STAMBP: variants seen among roughly 807,000 people sequenced by gnomAD.
STAMBP encodes the protein STAM-binding protein.
A neutral mutation model predicts 50.7 loss-of-function variants in STAMBP; 31 were observed. The ratio of observed to expected loss-of-function variants is 0.61; its 90% CI spans 0.46 to 0.83. The LOEUF (loss-of-function observed/expected upper bound fraction) is 0.83. Among genes scored for constraint, STAMBP ranks in the 40% least tolerant of loss-of-function variants. STAMBP has a pLI of 0.00. For missense variants in STAMBP, 472 were observed against 518.9 expected, an observed-to-expected ratio of 0.91 and a Z score of 0.88; for synonymous variants, 211 against 192.4, an observed-to-expected ratio of 1.10 and a Z score of -0.80.
At chr2:73,831,129 A>G (rs1673867169) in intron 2 of STAMBP, 70 bp downstream of exon 2, 1 of 1,263,316 alleles carries the variant, frequency 7.9e-7, no homozygotes, top group Non-Finnish European at 1.2e-6. Flanking sequence ...CAGAATTGCT[A>G]AAACCACAGA....
intron 2 of STAMBP, among the ~76,000 whole-genome samples, chr2:73,840,314 T>TTTG (rs1675217885): frequency 6.9e-5 from 4 of 58,234 alleles, no homozygotes; most frequent in Admixed American, 1.9e-4. Context: ...TAGGGGTTTG[T>TTTG]TTTTTTTTTT....
intron 2 of STAMBP, among the ~76,000 whole-genome samples, chr2:73,840,052 TC>T (rs1472840786): frequency 2.0e-5 from 3 of 152,150 alleles, no homozygotes; most frequent in Non-Finnish European, 4.4e-5. Flanking sequence ...TCCCTTTCTA[TC>T]CCCCTTCCCT....
Position 73,863,977 on chromosome 2 carries a change from C to A in STAMBP, c.*1718C>A, listed in dbSNP as rs955953343. 2.0e-5 allele frequency: 3 copies of A among 152,196 alleles called. No homozygotes were observed. The highest frequency in any genetic ancestry group is 2.0e-4 in the Admixed American group (3 of 15,280). 9.4% of individuals were successfully genotyped at this position (152,196 alleles called of 1,614,324 possible). On this transcript the variant is annotated 3_prime_UTR_variant, in exon 10 of 10. Coordinates refer to ENST00000394070, the MANE Select transcript of STAMBP (RefSeq NM_213622.4). ...GCAATAGCTTCCCATTGCTGAAAAT[C>A]TAAATTTAGCTTTTAGTCAGAACTT...
intron 9 of STAMBP, among the ~76,000 whole-genome samples, chr2:73,861,757 A>G (rs1304801542): frequency 6.7e-6 from 1 of 148,696 alleles, no homozygotes; most frequent in Non-Finnish European, 1.5e-5. Flanking sequence ...TTGATCTCCT[A>G]ACCTCATGAT....
chr2:73,834,210 A>T (rs534783515), intron 2 of STAMBP, among the ~76,000 whole-genome samples: 22 of 7,876 alleles, frequency 2.8e-3, no homozygotes, highest in South Asian at 5.4e-3. Flanking sequence ...ATCATGTCTT[A>T]AAAAAAAAAA....
At chr2:73,867,189 T>C (rs905221652), downstream of STAMBP, 4 of 152,236 alleles carry the variant, frequency 2.6e-5, no homozygotes, top group Admixed American at 1.3e-4. Flanking sequence ...GGCTTTGCTT[T>C]TTTGGGAGAA....
intron 2 of STAMBP, among the ~76,000 whole-genome samples, chr2:73,840,319 T>TG (rs1028706956): frequency 2.6e-5 from 4 of 151,728 alleles, no homozygotes; most frequent in Non-Finnish European, 5.9e-5. Context: ...GTTTGTTTTT[T>TG]TTTTTTTTTT....
chr2:73,837,614 A>G (rs1014290216), intron 2 of STAMBP, among the ~76,000 whole-genome samples: 1 of 138,010 alleles, frequency 7.2e-6, no homozygotes, highest in African/African-American at 2.9e-5. Flanking sequence ...AAAAAAAAAG[A>G]ACACATTAAT....
intron 2 of STAMBP, 170 bp from the exon 3 acceptor site, chr2:73,844,643 G>C (rs1352352374): frequency 8.3e-6 from 4 of 483,008 alleles, no homozygotes; most frequent in Non-Finnish European, 1.5e-5. Context: ...GCTCTTTAGG[G>C]GGATAGAGAT....
Position 73,862,315 on chromosome 2 carries a change from C to A in STAMBP, c.*56C>A. 1 of 1,491,266 alleles carries A rather than the reference C, an allele frequency of 6.7e-7. No homozygotes were observed. Among genetic ancestry groups the A allele is most frequent in the South Asian group, 1.3e-5 (1 of 76,850 alleles). 92.4% of individuals were successfully genotyped at this position (1,491,266 alleles called of 1,614,324 possible). ...CAAAACCATATCAGTGTACTGTAGCCCCTTAATTTAAGCTTTCTAGAAAGC... is the reference window on the plus strand; with the variant it reads ...CAAAACCATATCAGTGTACTGTAGCACCTTAATTTAAGCTTTCTAGAAAGC... On this transcript the variant is annotated 3_prime_UTR_variant, in exon 10 of 10. Transcript: ENST00000394070.
intron 4 of STAMBP, among the ~76,000 whole-genome samples, chr2:73,846,717 AT>A (rs1676113220): frequency 6.6e-6 from 1 of 152,154 alleles, no homozygotes; most frequent in African/African-American, 2.4e-5. Flanking sequence ...AATATAGAAT[AT>A]GTACATGACA....
At chr2:73,858,390 C>T (rs751028527) in intron 7 of STAMBP, among the ~76,000 whole-genome samples, 9 of 152,076 alleles carry the variant, frequency 5.9e-5, no homozygotes, top group Non-Finnish European at 1.2e-4. Flanking sequence ...CTGCCCTCCT[C>T]AGCCTCCCAA....
At chr2:73,851,120 G>A (rs1240530774) in intron 7 of STAMBP, among the ~76,000 whole-genome samples, 1 of 152,136 alleles carries the variant, frequency 6.6e-6, no homozygotes, top group Non-Finnish European at 1.5e-5. Flanking sequence ...ATTTTATGCT[G>A]TATGACAGAG....
At position 73,862,354 on chromosome 2, in the gene STAMBP, G is replaced by C; in HGVS notation, c.*95G>C. Reference sequence around the variant, plus strand: ...TTTCTAGAAAGCTTTGGAAGTTTTTGTAGATAGTAGAAAGGGGGGCATCAC... The same window carrying C: ...TTTCTAGAAAGCTTTGGAAGTTTTTCTAGATAGTAGAAAGGGGGGCATCAC... On this transcript the variant is annotated 3_prime_UTR_variant, in exon 10 of 10. Transcript: ENST00000394070. The C allele has an allele frequency of 8.9e-7, 1 of 1,118,788 alleles. No homozygotes were observed. Among genetic ancestry groups the C allele is most frequent in the Non-Finnish European group, 1.2e-6 (1 of 803,270 alleles). The allele number at this position is 1,118,788 out of a possible 1,614,324, so 69.3% of individuals were successfully genotyped here.
chr2:73,872,325 T>C (rs1430522943), intron 10 of STAMBP, among the ~76,000 whole-genome samples: 1 of 152,220 alleles, frequency 6.6e-6, no homozygotes, highest in African/African-American at 2.4e-5. Flanking sequence ...AGGCAACAGA[T>C]GTCCACCATG....
chr2:73,857,935 C>A (rs543401930), intron 7 of STAMBP, among the ~76,000 whole-genome samples: 2 of 152,136 alleles, frequency 1.3e-5, no homozygotes, highest in South Asian at 4.2e-4. Flanking sequence ...TTGTATCCTT[C>A]ACCACAGACA....
Position 73,830,850 on chromosome 2 carries a change from G to A in STAMBP, c.-7G>A, listed in dbSNP as rs1203482815. ...ATCTGTTTTTTCTGTCTCAGAACTTGGTCCTGATGTCTGACCATGGAGATG... is the reference window on the plus strand; with the variant it reads ...ATCTGTTTTTTCTGTCTCAGAACTTAGTCCTGATGTCTGACCATGGAGATG... On this transcript the variant is annotated 5_prime_UTR_variant, in exon 2 of 10. Transcript: ENST00000394070. 9 of 1,612,006 alleles carry A rather than the reference G, an allele frequency of 5.6e-6. No homozygotes were observed. The highest frequency in any genetic ancestry group is 6.8e-6 in the Non-Finnish European group (8 of 1,179,590).
At chr2:73,838,767 G>C (rs1675025200) in intron 2 of STAMBP, among the ~76,000 whole-genome samples, 1 of 152,196 alleles carries the variant, frequency 6.6e-6, no homozygotes, top group Non-Finnish European at 1.5e-5. Context: ...ATGAGATTTA[G>C]CAGCTCATTT....
chr2:73,870,478 A>T (rs1257913516), downstream of STAMBP: 1 of 152,204 alleles, frequency 6.6e-6, no homozygotes, highest in Non-Finnish European at 1.5e-5. Context: ...CTAGAGAAGG[A>T]TTACTTTTCC....
Sources: gnomAD v4.1 joint callset for allele counts (sites outside exome capture counted in the v4.1 genomes callset) on GRCh38, gnomAD v4.1.1 for gene constraint, MANE v1.5 for transcripts, NCBI Gene and HGNC (gene_info 2026-07-23, HGNC 2026-07-21) for gene names.